The following ABCG2 variants were observed in gnomAD, a reference collection of about 807,000 sequenced individuals.
ABCG2 encodes the protein broad substrate specificity ATP-binding cassette transporter ABCG2.
ABCG2 carries 80 observed loss-of-function variants against 73.5 expected under a neutral mutation model. That is an observed-to-expected ratio of 1.09 (90% CI 0.91 to 1.31). The LOEUF is 1.31. ABCG2 is among the 50% of genes most tolerant of loss of function. The pLI is 0.00. For synonymous variants in ABCG2, 269 were observed against 282.4 expected, an observed-to-expected ratio of 0.95 and a Z score of 0.48; for missense variants, 796 against 786.2, an observed-to-expected ratio of 1.01 and a Z score of -0.15.
intron 5 of ABCG2, among the ~76,000 whole-genome samples, chr4:88,122,841 G>A (rs548492545): frequency 6.6e-6 from 1 of 152,200 alleles, no homozygotes; most frequent in Non-Finnish European, 1.5e-5. Flanking sequence ...CCTCAAATGG[G>A]TCCTTGACCC....
chr4:88,174,750 A>G (rs965676898), intron 1 of ABCG2, among the ~76,000 whole-genome samples: 2 of 152,080 alleles, frequency 1.3e-5, no homozygotes, highest in African/African-American at 4.8e-5. Context: ...CCATTTGTCA[A>G]TTTTGGCTTT....
intron 10 of ABCG2, among the ~76,000 whole-genome samples, chr4:88,102,441 C>T (rs1399716390): frequency 6.6e-6 from 1 of 151,608 alleles, no homozygotes; most frequent in Non-Finnish European, 1.5e-5. Context: ...ACTAAAAATA[C>T]AAAAATTAGC....
intron 1 of ABCG2, among the ~76,000 whole-genome samples, chr4:88,154,706 G>A (rs1056362430): frequency 3.3e-5 from 5 of 152,152 alleles, no homozygotes; most frequent in Admixed American, 2.6e-4. Flanking sequence ...GTGGGAGGCC[G>A]GATTGAAGTC....
At chr4:88,211,358 G>GCCCCCCCCCCCCCCCCCC (rs1264405228) in intron 1 of ABCG2, among the ~76,000 whole-genome samples, 1 of 33,648 alleles carries the variant, frequency 3.0e-5, no homozygotes, top group Non-Finnish European at 5.6e-5. Context: ...TTCAACCCCT[G>GCCCCCCCCCCCCCCCCCC]CCCCACCCCC....
chr4:88,103,693 T>A (rs1490669618), intron 10 of ABCG2, among the ~76,000 whole-genome samples: 3 of 152,154 alleles, frequency 2.0e-5, no homozygotes, highest in Non-Finnish European at 4.4e-5. Flanking sequence ...GTAACTGAGG[T>A]TTTGTACCCT....
chr4:88,111,246 T>C (rs1462175754), intron 9 of ABCG2, among the ~76,000 whole-genome samples: 1 of 152,234 alleles, frequency 6.6e-6, no homozygotes, highest in African/African-American at 2.4e-5. Flanking sequence ...AGCAATTCAT[T>C]ACATTATTTC....
At chr4:88,112,931 G>A (rs889294129) in intron 9 of ABCG2, among the ~76,000 whole-genome samples, 4 of 151,992 alleles carry the variant, frequency 2.6e-5, no homozygotes, top group African/African-American at 4.8e-5. Flanking sequence ...GCAACACAGC[G>A]AAACCCCATC....
chr4:88,142,729 T>C (rs1725726759), intron 1 of ABCG2, among the ~76,000 whole-genome samples: 1 of 152,078 alleles, frequency 6.6e-6, no homozygotes, highest in Non-Finnish European at 1.5e-5. Flanking sequence ...GGCAGATCAC[T>C]TGAACGCAGG....
Position 88,204,214 on chromosome 4 carries a change from G to T in ABCG2, c.-20+26780C>A, listed in dbSNP as rs181182664. ...AGGCGGGCAGATCACGGGGTCAAAA[G>T]ATCGAGAATATCCCGGCCAACATGG... On this transcript the variant is annotated intron_variant, in intron 1 of 15. Transcript: ENST00000515655. Among the ~76,000 whole-genome samples the T allele has an allele frequency of 2.4e-3, 365 of 152,272 alleles. 3 individuals are homozygous for T. The highest frequency in any genetic ancestry group is 8.3e-3 in the African/African-American group (344 of 41,558).
In ABCG2 at chr4:88,116,844, C is replaced by T. The variant is rs1723606244; in HGVS notation, c.841+1265G>A. Among the ~76,000 whole-genome samples the T allele has an allele frequency of 4.7e-3, 2 of 428 alleles. 1 individual carries two copies. The highest frequency in any genetic ancestry group is 4.7e-3 in the African/African-American group (2 of 428). The allele number at this position is 428 out of a possible 152,430, so 0.3% of individuals were successfully genotyped here. On this transcript the variant is annotated intron_variant, in intron 7 of 15. Transcript: ENST00000237612. ...CTGGGATTACAGGCGTGAGCCACCG[C>T]GCCCGGCCAAAAAATCACACATTTC...
rs1160489451 is a variant in ABCG2 at position 88,114,984 on chromosome 4, C to T, written c.916G>A (p.Ala306Thr). 6.2e-7 allele frequency: 1 copy of T among 1,611,990 alleles called. No individual in the cohort carries two copies. Among genetic ancestry groups the T allele is most frequent in the Admixed American group, 1.7e-5 (1 of 59,938 alleles). Residue 306 changes from alanine to threonine, a missense_variant, in exon 8 of 16, where the codon GCA (alanine) becomes ACA (threonine). Physicochemically the swap from Ala to Thr is moderately conservative, Grantham distance 58. Transcript: ENST00000237612. ...TTAAAGTCTTCTTCTCTGTTTAATG[C>T]CACAGCAGTGGAATCTCCATTAATG... ...DIINGDSTAV[A>T]LNREEDFKAT...
chr4:88,092,768 T>C (rs529415867), intron 15 of ABCG2, among the ~76,000 whole-genome samples: 1 of 152,342 alleles, frequency 6.6e-6, no homozygotes, highest in African/African-American at 2.4e-5. Flanking sequence ...TATCAAGTAA[T>C]AGTTCCCTTA....
chr4:88,112,048 T>A (rs1723168442), intron 9 of ABCG2, among the ~76,000 whole-genome samples: 2 of 151,004 alleles, frequency 1.3e-5, no homozygotes, highest in African/African-American at 4.9e-5. Context: ...ATTGCACCAC[T>A]GCACTCCAGT....
At chr4:88,152,376 T>C (rs1726554621) in intron 1 of ABCG2, among the ~76,000 whole-genome samples, 1 of 152,070 alleles carries the variant, frequency 6.6e-6, no homozygotes, top group Non-Finnish European at 1.5e-5. Flanking sequence ...GTGTGAGCAA[T>C]AAAGCTTTTT....
intron 9 of ABCG2, among the ~76,000 whole-genome samples, chr4:88,110,365 C>T (rs1428897765): frequency 1.3e-5 from 2 of 151,762 alleles, no homozygotes; most frequent in African/African-American, 2.4e-5. Context: ...CAACATGGTG[C>T]GACCCTGTCT....
intron 1 of ABCG2, among the ~76,000 whole-genome samples, chr4:88,203,719 ACT>A (rs1282445508): frequency 6.7e-6 from 1 of 148,296 alleles, no homozygotes; most frequent in African/African-American, 2.5e-5. Context: ...GTGCCATTGC[ACT>A]CCAGCCTGGG....
intron 1 of ABCG2, among the ~76,000 whole-genome samples, chr4:88,196,885 C>A (rs1728956155): frequency 6.6e-6 from 1 of 151,930 alleles, no homozygotes; most frequent in Non-Finnish European, 1.5e-5. Context: ...ACAAGACCTG[C>A]CTTTAAGATA....
intron 13 of ABCG2, among the ~76,000 whole-genome samples, chr4:88,096,589 A>G (rs916042149): frequency 6.6e-6 from 1 of 152,196 alleles, no homozygotes; most frequent in Non-Finnish European, 1.5e-5. Context: ...GTTTGTGCTA[A>G]TTATTTTTAT....
At chr4:88,145,257 C>T (rs549100819) in intron 1 of ABCG2, among the ~76,000 whole-genome samples, 7 of 152,336 alleles carry the variant, frequency 4.6e-5, no homozygotes, top group South Asian at 2.1e-4. Flanking sequence ...TTGCTACAAA[C>T]TTAGCAGTGG....
Sources: allele counts gnomAD v4.1 joint callset (sites outside exome capture counted in the v4.1 genomes callset), GRCh38; gene constraint gnomAD v4.1.1; transcripts MANE v1.5; gene names NCBI Gene and HGNC (gene_info 2026-07-23, HGNC 2026-07-21).